FBXL2: variants seen among roughly 807,000 people sequenced by gnomAD.
The protein encoded by FBXL2 is F-box/LRR-repeat protein 2.
Under a neutral mutation model 69.2 loss-of-function variants are expected in FBXL2, and 38 were observed. The observed-to-expected ratio is 0.55, with a 90% CI of 0.42 to 0.72. The LOEUF is 0.72. Ranked by LOEUF, FBXL2 falls within the 30% of genes least tolerant of loss-of-function variation. FBXL2 has a pLI of 0.00. For synonymous variants in FBXL2, 192 were observed against 201.3 expected (o/e 0.95, Z 0.39); for missense variants, 354 against 520.3 (o/e 0.68, Z 3.11).
chr3:33,386,048 C>G lies in FBXL2; in HGVS notation c.*440C>G, dbSNP rs1179579931. On this transcript the variant is annotated 3_prime_UTR_variant, in exon 15 of 15. Coordinates refer to ENST00000484457, the MANE Select transcript of FBXL2 (RefSeq NM_012157.5). ...TAATTCACAATTCCATTTTGATTAGCAGGACTTTTCCACTTTGAAGATAAA... is the reference window on the plus strand; with the variant it reads ...TAATTCACAATTCCATTTTGATTAGGAGGACTTTTCCACTTTGAAGATAAA... 5.9e-6 allele frequency: 1 copy of G among 170,774 alleles called. No individual in the cohort carries two copies. Among genetic ancestry groups the G allele is most frequent in the Non-Finnish European group, 1.3e-5 (1 of 77,696 alleles). The allele number at this position is 170,774 out of a possible 1,614,324, so 10.6% of individuals were successfully genotyped here. A position where few individuals can be genotyped will look rare whatever the true frequency, so the allele number is the denominator to read the frequency against.
intron 13 of FBXL2, chr3:33,383,628 G>A: frequency 4.1e-6 from 1 of 241,966 alleles, no homozygotes; most frequent in East Asian, 9.4e-5. Context: ...TCTCAAGGGG[G>A]TAAACTGAAA....
In FBXL2 at chr3:33,385,865, A is replaced by C; in HGVS notation, c.*257A>C. 1 of 495,312 alleles carries C rather than the reference A, an allele frequency of 2.0e-6. No individual in the cohort carries two copies. The highest frequency in any genetic ancestry group is 3.6e-6 in the Non-Finnish European group (1 of 275,002). The allele number at this position is 495,312 out of a possible 1,614,324, so 30.7% of individuals were successfully genotyped here. On this transcript the variant is annotated 3_prime_UTR_variant, in exon 15 of 15. Transcript: ENST00000484457. ...TCAATGCAGCTAGGACCATGCCAGA[A>C]ACCTGGATCTCTTAAGAGATTGGTA...
intron 1 of FBXL2, among the ~76,000 whole-genome samples, chr3:33,277,775 C>G (rs963652613): frequency 1.3e-5 from 2 of 152,084 alleles, no homozygotes; most frequent in African/African-American, 4.8e-5. Context: ...AGCCCGGACC[C>G]CCACCCAGTG....
chr3:33,287,525 A>G (rs1412992820), intron 1 of FBXL2, among the ~76,000 whole-genome samples: 1 of 152,116 alleles, frequency 6.6e-6, no homozygotes, highest in Non-Finnish European at 1.5e-5. Flanking sequence ...TCTGCCACCC[A>G]GGCTGGAGTA....
Position 33,336,940 on chromosome 3 carries a change from C to T in FBXL2, c.66-22027C>T, listed in dbSNP as rs1377927964. Among the ~76,000 whole-genome samples the T allele has an allele frequency of 2.0e-5, 3 of 151,728 alleles. No individual in the cohort carries two copies. In the East Asian group the frequency reaches 5.8e-4, roughly 30 times the overall value. On this transcript the variant is annotated intron_variant, in intron 2 of 14. Transcript: ENST00000484457. Reference sequence around the variant, plus strand: ...ACAACCTTGGCCTGGCGCAGTGGCTCACGTCTGTAATCCTAGCACTTTGGG... The same window carrying T: ...ACAACCTTGGCCTGGCGCAGTGGCTTACGTCTGTAATCCTAGCACTTTGGG...
chr3:33,390,554 T>G (rs2043719046), downstream of FBXL2: 2 of 638,052 alleles, frequency 3.1e-6, no homozygotes, highest in South Asian at 3.9e-5. Flanking sequence ...ATGTACACAT[T>G]CCCTTTTTAG....
the FBXL2 span, among the ~76,000 whole-genome samples, chr3:33,419,640 A>T: frequency 6.6e-6 from 1 of 151,914 alleles, no homozygotes. Context: ...AAAAAAAAAA[A>T]AAAACCAGAA....
intron 2 of FBXL2, among the ~76,000 whole-genome samples, chr3:33,341,928 T>G (rs927508376): frequency 6.6e-6 from 1 of 150,996 alleles, no homozygotes; most frequent in African/African-American, 2.4e-5. Flanking sequence ...GGTGTTATAA[T>G]AAGATGTTTG....
At chr3:33,378,618 G>T in intron 12 of FBXL2, 67 bp from the exon 13 acceptor site, 1 of 1,487,124 alleles carries the variant, frequency 6.7e-7, no homozygotes, top group Non-Finnish European at 9.1e-7. Context: ...TCGTGTTCAG[G>T]AGAAGCCAGG....
chr3:33,331,927 A>G (rs780299792), intron 2 of FBXL2, among the ~76,000 whole-genome samples: 27 of 152,208 alleles, frequency 1.8e-4, no homozygotes, highest in Admixed American at 3.9e-4. Context: ...TGATGGGATT[A>G]GATGATTTCT....
chr3:33,298,638 G>A (rs1468675862), intron 2 of FBXL2, among the ~76,000 whole-genome samples: 1 of 146,996 alleles, frequency 6.8e-6, no homozygotes, highest in Non-Finnish European at 1.5e-5. Flanking sequence ...AGAGGTTGCA[G>A]TGAGCCTAGC....
intron 2 of FBXL2, among the ~76,000 whole-genome samples, chr3:33,357,153 A>C (rs990131455): frequency 8.5e-5 from 13 of 152,248 alleles, no homozygotes; most frequent in Admixed American, 2.0e-4. Context: ...AATCAATGTT[A>C]ACTATTTTTG....
chr3:33,325,192 C>T (rs1322935764), intron 2 of FBXL2, among the ~76,000 whole-genome samples: 2 of 152,108 alleles, frequency 1.3e-5, no homozygotes, highest in Non-Finnish European at 2.9e-5. Flanking sequence ...AGATTTTGGG[C>T]TGAGATGATA....
At chr3:33,395,331 T>C (rs1454307896) in intron 12 of FBXL2, among the ~76,000 whole-genome samples, 5 of 135,646 alleles carry the variant, frequency 3.7e-5, no homozygotes, top group African/African-American at 3.0e-5. Flanking sequence ...TTAACACATC[T>C]TTTTTTTTTT....
chr3:33,291,352 T>G (rs1280013079), intron 1 of FBXL2, among the ~76,000 whole-genome samples: 1 of 152,142 alleles, frequency 6.6e-6, no homozygotes, highest in Non-Finnish European at 1.5e-5. Flanking sequence ...TTTGTCTACA[T>G]CAGACCTATA....
intron 2 of FBXL2, among the ~76,000 whole-genome samples, chr3:33,355,255 C>A (rs534658217): frequency 6.6e-6 from 1 of 152,110 alleles, no homozygotes; most frequent in African/African-American, 2.4e-5. Flanking sequence ...TTAATAAGAA[C>A]GTCAAATAAC....
intron 2 of FBXL2, among the ~76,000 whole-genome samples, chr3:33,358,513 C>A (rs997383178): frequency 4.6e-5 from 7 of 152,136 alleles, no homozygotes; most frequent in African/African-American, 1.7e-4. Context: ...ATAGACTTTG[C>A]CAACTAATGA....
intron 2 of FBXL2, among the ~76,000 whole-genome samples, chr3:33,336,915 A>C (rs1370629957): frequency 1.3e-5 from 2 of 148,292 alleles, no homozygotes; most frequent in African/African-American, 2.5e-5. Flanking sequence ...AAACAAACAA[A>C]CAACCTTGGC....
intron 2 of FBXL2, among the ~76,000 whole-genome samples, chr3:33,312,081 G>A (rs1258989146): frequency 1.3e-5 from 2 of 151,978 alleles, no homozygotes; most frequent in Non-Finnish European, 2.9e-5. Context: ...TTTTGAGACA[G>A]GGTCTCACTT....
Sources: allele counts gnomAD v4.1 joint callset (sites outside exome capture counted in the v4.1 genomes callset), GRCh38; gene constraint gnomAD v4.1.1; transcripts MANE v1.5; gene names NCBI Gene and HGNC (gene_info 2026-07-23, HGNC 2026-07-21).